Variants in PLA2G4E observed in about 807,000 individuals in gnomAD.
PLA2G4E encodes cytosolic phospholipase A2 epsilon.
In PLA2G4E, 84 loss-of-function variants were observed where a neutral mutation model predicts 109.1. That is an observed-to-expected ratio of 0.77 (90% CI 0.65 to 0.92). The LOEUF is 0.92. Ranked by LOEUF, PLA2G4E falls within the 40% of genes least tolerant of loss-of-function variation. PLA2G4E has a pLI of 0.00. For missense variants in PLA2G4E, 1,057 were observed against 1,076.6 expected (o/e 0.98, Z 0.25); for synonymous variants, 469 against 436.1 (o/e 1.08, Z -0.94).
intron 1 of PLA2G4E, among the ~76,000 whole-genome samples, chr15:42,018,771 C>T (rs1292495866): frequency 2.0e-5 from 3 of 152,156 alleles, no homozygotes; most frequent in Non-Finnish European, 4.4e-5. Flanking sequence ...CTCCACTGCC[C>T]CCTGGGGACC....
At chr15:42,006,059 T>G in exon 4 of PLA2G4E, 1 of 1,613,968 alleles carries the variant, frequency 6.2e-7, no homozygotes, top group Non-Finnish European at 8.5e-7. Context: ...CATAGAGAAC[T>G]GTCAGGAGAT....
chr15:42,035,514 G>T (rs1202415688), intron 1 of PLA2G4E, among the ~76,000 whole-genome samples: 1 of 152,236 alleles, frequency 6.6e-6, no homozygotes, highest in Non-Finnish European at 1.5e-5. Flanking sequence ...GTAAGGCTCA[G>T]TTGAAGGAAG....
At chr15:42,033,282 G>A (rs1007397363) in intron 1 of PLA2G4E, among the ~76,000 whole-genome samples, 3 of 152,140 alleles carry the variant, frequency 2.0e-5, no homozygotes, top group Non-Finnish European at 4.4e-5. Flanking sequence ...CTGTCCCGAT[G>A]AGCCTTGGCC....
chr15:42,032,647 C>T (rs11633848), intron 1 of PLA2G4E, among the ~76,000 whole-genome samples: 15,180 of 152,266 alleles, frequency 0.1, 1,011 homozygotes, highest in Middle Eastern at 0.14. Flanking sequence ...ACCATCCAAC[C>T]AAGTGGCCTT....
At chr15:42,010,132 G>GCCCA in intron 2 of PLA2G4E, 2 of 417,170 alleles carry the variant, frequency 4.8e-6, no homozygotes, top group Non-Finnish European at 4.7e-6. Flanking sequence ...CAGAACACTG[G>GCCCA]CCCCCCCACC....
At chr15:42,044,409 T>C (rs1889375114) in intron 1 of PLA2G4E, among the ~76,000 whole-genome samples, 1 of 151,910 alleles carries the variant, frequency 6.6e-6, no homozygotes, top group South Asian at 2.1e-4. Context: ...GTTCAGAAAC[T>C]GAGCACCTGT....
chr15:41,986,170 G>A (rs907107395), intron 17 of PLA2G4E, among the ~76,000 whole-genome samples, 165 bp from the exon 18 acceptor site: 1 of 152,266 alleles, frequency 6.6e-6, no homozygotes, highest in African/African-American at 2.4e-5. Flanking sequence ...GAAGAACAGC[G>A]TTATCTTGGG....
intron 1 of PLA2G4E, among the ~76,000 whole-genome samples, chr15:42,049,856 C>T (rs1889477823): frequency 1.3e-5 from 2 of 152,198 alleles, no homozygotes; most frequent in South Asian, 4.1e-4. Flanking sequence ...GCTCACACGC[C>T]CGCCCAGAGG....
At chr15:41,983,638 T>C in exon 20 of PLA2G4E, 1 of 934,954 alleles carries the variant, frequency 1.1e-6, no homozygotes, top group Non-Finnish European at 1.6e-6. Flanking sequence ...CAGGCCAACC[T>C]GCTCACACCC....
intron 2 of PLA2G4E, among the ~76,000 whole-genome samples, chr15:42,013,134 C>A (rs2068554241): frequency 6.6e-6 from 1 of 152,214 alleles, no homozygotes; most frequent in Non-Finnish European, 1.5e-5. Context: ...GCTGCTAAGT[C>A]AAGCCACATC....
At chr15:41,995,319 C>T (rs774307959) in intron 12 of PLA2G4E, 41 bp downstream of exon 12, 47 of 1,594,222 alleles carry the variant, frequency 2.9e-5, no homozygotes, top group Middle Eastern at 1.7e-4. Flanking sequence ...CTGTTCGTGG[C>T]TTGCCCTGGG....
At chr15:42,028,686 C>A (rs922350912) in intron 1 of PLA2G4E, among the ~76,000 whole-genome samples, 22 of 152,302 alleles carry the variant, frequency 1.4e-4, no homozygotes, top group African/African-American at 5.3e-4. Context: ...GGATTATAGG[C>A]ATGAGCCACC....
Position 42,045,709 on chromosome 15 carries a change from C to T in PLA2G4E, c.183+4812G>A, listed in dbSNP as rs118009863. Among the ~76,000 whole-genome samples the T allele has an allele frequency of 2.4e-3, 369 of 152,294 alleles. 5 individuals are homozygous for T. The South Asian group carries it at 0.058, about 24-fold the overall frequency. ...TGCCGGGCATCTGAAAGGTGGAAAACGGGAGAGCACAGACTTCTTCCCCTT... is the reference window on the plus strand; with the variant it reads ...TGCCGGGCATCTGAAAGGTGGAAAATGGGAGAGCACAGACTTCTTCCCCTT... On this transcript the variant is annotated intron_variant, in intron 1 of 19. Coordinates refer to ENST00000399518, the Ensembl canonical transcript of PLA2G4E.
chr15:42,009,002 C>A (rs1411941498), intron 2 of PLA2G4E: 1 of 152,216 alleles, frequency 6.6e-6, no homozygotes, highest in Non-Finnish European at 1.5e-5. Flanking sequence ...CAGCCCTGAT[C>A]TAAATCACAG....
chr15:41,989,465 A>G, exon 15 of PLA2G4E: 2 of 1,613,996 alleles, frequency 1.2e-6, no homozygotes, highest in South Asian at 1.1e-5. Context: ...CAGCCGCCCC[A>G]TGAAGAACTC....
At chr15:42,049,416 C>G (rs997220833) in intron 1 of PLA2G4E, among the ~76,000 whole-genome samples, 2 of 152,178 alleles carry the variant, frequency 1.3e-5, no homozygotes, top group Non-Finnish European at 2.9e-5. Context: ...GGTCCCACGT[C>G]TCAACACTGT....
At chr15:42,014,176 G>C (rs770572245) in intron 1 of PLA2G4E, among the ~76,000 whole-genome samples, 17 of 152,070 alleles carry the variant, frequency 1.1e-4, no homozygotes, top group Non-Finnish European at 1.5e-4. Flanking sequence ...ACAGGCATGA[G>C]CCACCACGCC....
intron 3 of PLA2G4E, among the ~76,000 whole-genome samples, chr15:42,007,492 T>G (rs764650079): frequency 1.3e-5 from 2 of 151,852 alleles, no homozygotes; most frequent in African/African-American, 4.8e-5. Flanking sequence ...CAGCAACAAT[T>G]AGGACAAGAG....
intron 1 of PLA2G4E, among the ~76,000 whole-genome samples, chr15:42,035,058 T>C (rs1255985136): frequency 6.6e-6 from 1 of 152,118 alleles, no homozygotes; most frequent in African/African-American, 2.4e-5. Context: ...CTGAACTGAG[T>C]CCCTTATGCC....
Sources: allele counts gnomAD v4.1 joint callset (sites outside exome capture counted in the v4.1 genomes callset), GRCh38; gene constraint gnomAD v4.1.1; transcripts MANE v1.5; gene names NCBI Gene and HGNC (gene_info 2026-07-23, HGNC 2026-07-21).